Variants in ANKH observed in about 807,000 individuals in gnomAD.
ANKH encodes the protein ANKH inorganic pyrophosphate transport regulator.
ANKH carries 15 observed loss-of-function variants against 49.0 expected under a neutral mutation model. The observed-to-expected ratio is 0.31, with a 90% CI of 0.20 to 0.47. ANKH has a LOEUF of 0.47. Among genes scored for constraint, ANKH ranks in the 20% least tolerant of loss-of-function variants. The pLI, the probability that ANKH is intolerant of heterozygous loss-of-function variation, is 1.00. For missense variants in ANKH, 429 were observed against 652.0 expected (o/e 0.66, Z 3.72); for synonymous variants, 273 against 260.0 (o/e 1.05, Z -0.48).
intron 1 of ANKH, among the ~76,000 whole-genome samples, chr5:14,805,078 G>A (rs1740665227): frequency 6.6e-6 from 1 of 152,168 alleles, no homozygotes; most frequent in Non-Finnish European, 1.5e-5. Flanking sequence ...TGCTGAAAGA[G>A]ATGAACATTT....
chr5:14,716,945 CCTGA>C, intron 8 of ANKH, 110 bp from the exon 9 acceptor site: 5 of 1,412,496 alleles, frequency 3.5e-6, no homozygotes, highest in Non-Finnish European at 4.9e-6. Flanking sequence ...GGACAACCGG[CCTGA>C]CTGGGTGGTG....
At chr5:14,715,883 G>C (rs1393916661) in intron 9 of ANKH, among the ~76,000 whole-genome samples, 1 of 152,216 alleles carries the variant, frequency 6.6e-6, no homozygotes, top group East Asian at 1.9e-4. Flanking sequence ...TCTCAGCCAT[G>C]GGCAGTTTCT....
chr5:14,858,123 A>G (rs1440883037), intron 1 of ANKH, among the ~76,000 whole-genome samples: 1 of 152,178 alleles, frequency 6.6e-6, no homozygotes, highest in African/African-American at 2.4e-5. Flanking sequence ...ATCACATTTT[A>G]TTTCACTTTT....
chr5:14,794,143 G>A (rs1350275984), intron 1 of ANKH, among the ~76,000 whole-genome samples: 3 of 152,242 alleles, frequency 2.0e-5, no homozygotes, highest in Admixed American at 6.5e-5. Flanking sequence ...AGTCCTAACA[G>A]CTTTGGGCAA....
At chr5:14,807,423 T>C (rs998554894) in intron 1 of ANKH, among the ~76,000 whole-genome samples, 1 of 152,190 alleles carries the variant, frequency 6.6e-6, no homozygotes, top group African/African-American at 2.4e-5. Flanking sequence ...GCTGCCATGA[T>C]ATTCCTTACA....
chr5:14,812,843 ACTGT>A (rs1010994428), intron 1 of ANKH, among the ~76,000 whole-genome samples: 44 of 152,022 alleles, frequency 2.9e-4, no homozygotes, highest in African/African-American at 6.7e-4. Context: ...CAAGTAACTG[ACTGT>A]CTATCTAGAA....
Position 14,769,006 on chromosome 5 carries a change from C to T in ANKH, c.282G>A (p.Gly94=), listed in dbSNP as rs760249447. The T allele has an allele frequency of 1.3e-5, 21 of 1,614,080 alleles. No individual in the cohort carries two copies. The East Asian group carries it at 3.8e-4, about 29-fold the overall frequency. Residue 94 remains glycine, a synonymous_variant, in exon 2 of 12, where the codon GGG becomes GGA. Coordinates refer to ENST00000284268, the MANE Select transcript of ANKH (RefSeq NM_054027.6). ...GTGTGTGAAAGACGGCAGCGATGGC[C>T]CCTGCCACCACCATACACAGGACGG... The part of the protein sequence containing the change: ...TKAVLCMVVA[G]AIAAVFHTLI...
chr5:14,726,152 T>G (rs1224072944), intron 8 of ANKH, among the ~76,000 whole-genome samples: 1 of 152,070 alleles, frequency 6.6e-6, no homozygotes, highest in Non-Finnish European at 1.5e-5. Flanking sequence ...GCACACTGAT[T>G]TGATATACTT....
At chr5:14,801,352 A>G (rs1310137753) in intron 1 of ANKH, among the ~76,000 whole-genome samples, 2 of 152,188 alleles carry the variant, frequency 1.3e-5, no homozygotes, top group Admixed American at 1.3e-4. Flanking sequence ...GATGATTACC[A>G]ACACTCATTC....
intron 1 of ANKH, among the ~76,000 whole-genome samples, chr5:14,805,368 CTA>C (rs777278221): frequency 1.4e-5 from 2 of 138,124 alleles, no homozygotes; most frequent in Non-Finnish European, 3.1e-5. Flanking sequence ...ATAAACTCCC[CTA>C]TATATATGTG....
At chr5:14,723,142 T>C (rs954725666) in intron 8 of ANKH, among the ~76,000 whole-genome samples, 1 of 152,040 alleles carries the variant, frequency 6.6e-6, no homozygotes, top group Non-Finnish European at 1.5e-5. Flanking sequence ...ATGTGGTGTC[T>C]TGGATGAGAT....
chr5:14,818,444 C>A (rs570021470), intron 1 of ANKH, among the ~76,000 whole-genome samples: 164 of 151,996 alleles, frequency 1.1e-3, no homozygotes, highest in African/African-American at 3.9e-3. Flanking sequence ...GAGTTCGAGA[C>A]CAGCCTGGCC....
At chr5:14,744,811 G>T (rs534663886) in intron 7 of ANKH, among the ~76,000 whole-genome samples, 1 of 152,250 alleles carries the variant, frequency 6.6e-6, no homozygotes, top group African/African-American at 2.4e-5. Flanking sequence ...TCTCAGGGGG[G>T]CATTTTGGAA....
At chr5:14,793,293 C>T (rs1740264411) in intron 1 of ANKH, among the ~76,000 whole-genome samples, 2 of 151,382 alleles carry the variant, frequency 1.3e-5, no homozygotes, top group African/African-American at 4.9e-5. Flanking sequence ...CACAGAGACA[C>T]TCTGGGCTGC....
At chr5:14,785,418 C>T (rs1739942867) in intron 1 of ANKH, among the ~76,000 whole-genome samples, 1 of 152,134 alleles carries the variant, frequency 6.6e-6, no homozygotes, top group East Asian at 1.9e-4. Flanking sequence ...ACCTTCCACT[C>T]CTCCCTCTCT....
intron 8 of ANKH, among the ~76,000 whole-genome samples, chr5:14,718,587 G>A (rs542247808): frequency 1.3e-5 from 2 of 152,230 alleles, no homozygotes; most frequent in South Asian, 4.1e-4. Context: ...GAGGCGGGCG[G>A]ATGACCTGAT....
chr5:14,832,050 C>T lies in ANKH; in HGVS notation c.96+39302G>A, dbSNP rs866348925. ...AACAGCTCATAATACCAGCAGTGCA[C>T]ACAGCTCTACTCAAAATTACAGTGA... is the stretch of plus-strand genomic sequence containing the variant. On this transcript the variant is annotated intron_variant, in intron 1 of 11. Transcript: ENST00000284268. 2.8e-4 allele frequency among the ~76,000 whole-genome samples: 43 copies of T among 152,256 alleles called. 1 individual carries two copies. Among genetic ancestry groups the T allele is most frequent in the African/African-American group, 1.0e-3 (43 of 41,572 alleles).
chr5:14,758,446 AAAAG>A, intron 3 of ANKH, 30 bp downstream of exon 3: 1 of 1,535,626 alleles, frequency 6.5e-7, no homozygotes, highest in East Asian at 2.2e-5. Flanking sequence ...CAGTTAAAGA[AAAAG>A]AAAGAAAGCC....
chr5:14,788,597 A>G (rs1740054026), intron 1 of ANKH, among the ~76,000 whole-genome samples: 1 of 152,226 alleles, frequency 6.6e-6, no homozygotes, highest in South Asian at 2.1e-4. Flanking sequence ...ATCATCAGTG[A>G]CTAATTAATT....
Sources: gnomAD v4.1 joint callset for allele counts (sites outside exome capture counted in the v4.1 genomes callset) on GRCh38, gnomAD v4.1.1 for gene constraint, MANE v1.5 for transcripts, NCBI Gene and HGNC (gene_info 2026-07-23, HGNC 2026-07-21) for gene names.